RSU1: variants seen among roughly 807,000 people sequenced by gnomAD.
RSU1 encodes Ras suppressor protein 1.
Under a neutral mutation model 31.1 loss-of-function variants are expected in RSU1, and 26 were observed. That is an observed-to-expected ratio of 0.84 (90% CI 0.61 to 1.16). The LOEUF is 1.16. Among genes scored for constraint, RSU1 ranks in the 50% most tolerant of loss-of-function variants. The pLI is 0.00. For missense variants in RSU1, 320 were observed against 339.1 expected, an observed-to-expected ratio of 0.94 and a Z score of 0.44; for synonymous variants, 164 against 136.3, an observed-to-expected ratio of 1.20 and a Z score of -1.41.
chr10:16,687,075 T>C (rs1564316944), intron 8 of RSU1, among the ~76,000 whole-genome samples: 1 of 152,182 alleles, frequency 6.6e-6, no homozygotes, highest in Non-Finnish European at 1.5e-5. Context: ...AGGGAAGTAG[T>C]GAAGAAAGCA....
intron 8 of RSU1, among the ~76,000 whole-genome samples, chr10:16,675,769 C>A (rs1439479940): frequency 6.6e-6 from 1 of 152,180 alleles, no homozygotes; most frequent in Non-Finnish European, 1.5e-5. Context: ...AGTAATTTTT[C>A]TGCTTTGTCA....
intron 7 of RSU1, among the ~76,000 whole-genome samples, chr10:16,727,802 A>G (rs1836428308): frequency 6.6e-6 from 1 of 152,178 alleles, no homozygotes; most frequent in African/African-American, 2.4e-5. Flanking sequence ...CTATTTAGAC[A>G]ACCAAATTTC....
At chr10:16,798,096 A>C (rs1838079144) in intron 2 of RSU1, among the ~76,000 whole-genome samples, 1 of 151,902 alleles carries the variant, frequency 6.6e-6, no homozygotes, top group African/African-American at 2.4e-5. Context: ...TCCTGACCTC[A>C]CCTGATATGC....
chr10:16,701,587 G>C (rs749912881), intron 7 of RSU1, among the ~76,000 whole-genome samples: 2 of 151,694 alleles, frequency 1.3e-5, no homozygotes. Context: ...GCTACTCTTC[G>C]GATCTAGTCG....
chr10:16,806,613 T>C (rs570008313), intron 2 of RSU1, among the ~76,000 whole-genome samples: 2 of 152,336 alleles, frequency 1.3e-5, no homozygotes, highest in African/African-American at 2.4e-5. Context: ...ACTCCATGCA[T>C]AGATGGCATG....
chr10:16,632,183 A>G (rs572210744), intron 8 of RSU1, among the ~76,000 whole-genome samples: 184 of 152,272 alleles, frequency 1.2e-3, no homozygotes, highest in Non-Finnish European at 1.8e-3. Context: ...TGTTTTTTCA[A>G]AAAAAATATT....
At chr10:16,808,503 AAAAC>A (rs1838328049) in intron 2 of RSU1, among the ~76,000 whole-genome samples, 1 of 150,874 alleles carries the variant, frequency 6.6e-6, no homozygotes, top group Non-Finnish European at 1.5e-5. Flanking sequence ...AAAAAAAAAA[AAAAC>A]AAAGTGAACT....
chr10:16,790,445 T>A (rs1455038231), intron 2 of RSU1, among the ~76,000 whole-genome samples: 1 of 151,692 alleles, frequency 6.6e-6, no homozygotes, highest in African/African-American at 2.4e-5. Context: ...CACTGAGAGG[T>A]GGATTTAGAA....
intron 8 of RSU1, among the ~76,000 whole-genome samples, chr10:16,612,163 T>C (rs775300603): frequency 7.9e-5 from 12 of 152,206 alleles, no homozygotes; most frequent in Non-Finnish European, 1.5e-4. Context: ...GTTGAAGCCA[T>C]AGAGTTGCAA....
intron 8 of RSU1, among the ~76,000 whole-genome samples, chr10:16,602,660 C>A (rs1445069036): frequency 6.6e-6 from 1 of 152,172 alleles, no homozygotes; most frequent in South Asian, 2.1e-4. Flanking sequence ...ATATGCTGTT[C>A]TGAAGTCGTT....
At chr10:16,634,222 ACT>A (rs1195180190) in intron 8 of RSU1, among the ~76,000 whole-genome samples, 2 of 152,124 alleles carry the variant, frequency 1.3e-5, no homozygotes, top group Non-Finnish European at 2.9e-5. Context: ...GGGGCTACCG[ACT>A]CTGTCTGGTG....
At chr10:16,771,216 C>T (rs1303911095) in intron 3 of RSU1, among the ~76,000 whole-genome samples, 11 of 151,950 alleles carry the variant, frequency 7.2e-5, no homozygotes, top group African/African-American at 1.2e-4. Flanking sequence ...ATTATATATA[C>T]GGGAGGGGAG....
chr10:16,608,774 G>T (rs1833845775), intron 8 of RSU1, among the ~76,000 whole-genome samples: 1 of 151,894 alleles, frequency 6.6e-6, no homozygotes, highest in South Asian at 2.1e-4. Flanking sequence ...GAAAAAGAAT[G>T]AAGAGTTTAA....
intron 8 of RSU1, among the ~76,000 whole-genome samples, chr10:16,615,966 T>C (rs959515299): frequency 6.6e-6 from 1 of 151,788 alleles, no homozygotes; most frequent in Non-Finnish European, 1.5e-5. Flanking sequence ...GGAAAAGAAC[T>C]AGAGAAGCAA....
At chr10:16,660,781 G>A (rs551210490) in intron 8 of RSU1, among the ~76,000 whole-genome samples, 1 of 150,700 alleles carries the variant, frequency 6.6e-6, no homozygotes, top group African/African-American at 2.4e-5. Flanking sequence ...CTAGTAGCTG[G>A]AATTACAGGC....
At chr10:16,618,358 A>G (rs1209277133) in intron 8 of RSU1, among the ~76,000 whole-genome samples, 4 of 152,190 alleles carry the variant, frequency 2.6e-5, no homozygotes, top group African/African-American at 9.7e-5. Context: ...AGAAATAGGC[A>G]CACTACTACA....
At chr10:16,780,638 TACTAA>T (rs1837631122) in intron 3 of RSU1, among the ~76,000 whole-genome samples, 1 of 152,214 alleles carries the variant, frequency 6.6e-6, no homozygotes, top group African/African-American at 2.4e-5. Context: ...AGAAATACTT[TACTAA>T]ACTACACAAC....
intron 8 of RSU1, among the ~76,000 whole-genome samples, chr10:16,669,831 G>A (rs1386570579): frequency 6.6e-6 from 1 of 152,144 alleles, no homozygotes; most frequent in Non-Finnish European, 1.5e-5. Context: ...GTCTATCACT[G>A]ATGGGCATTG....
At chr10:16,764,762 GA>G in intron 3 of RSU1, among the ~76,000 whole-genome samples, 1 of 152,258 alleles carries the variant, frequency 6.6e-6, no homozygotes, top group African/African-American at 2.4e-5. Flanking sequence ...GATGGACAAT[GA>G]GGGGGGAAAC....
Sources: gnomAD v4.1 joint callset for allele counts (sites outside exome capture counted in the v4.1 genomes callset) on GRCh38, gnomAD v4.1.1 for gene constraint, MANE v1.5 for transcripts, NCBI Gene and HGNC (gene_info 2026-07-23, HGNC 2026-07-21) for gene names.